Variants in SETD5 observed in about 807,000 individuals in gnomAD.
The protein encoded by SETD5 is SET domain containing 5.
SETD5 carries 44 observed loss-of-function variants against 153.3 expected under a neutral mutation model. The ratio of observed to expected loss-of-function variants is 0.29; its 90% CI spans 0.23 to 0.37. The LOEUF (loss-of-function observed/expected upper bound fraction) is 0.37. SETD5 is among the 10% of genes least tolerant of loss of function. The pLI, the probability that SETD5 is intolerant of heterozygous loss-of-function variation, is 1.00. For missense variants in SETD5, 1,544 were observed against 1,768.0 expected (o/e 0.87, Z 2.27); for synonymous variants, 716 against 645.2 (o/e 1.11, Z -1.66).
Position 9,453,883 on chromosome 3 carries a change from C to G in SETD5, c.2476+15C>G, listed in dbSNP as rs1575509002. 1 of 1,529,588 alleles carries G rather than the reference C, an allele frequency of 6.5e-7. No homozygotes were observed. Among genetic ancestry groups the G allele is most frequent in the East Asian group, 2.3e-5 (1 of 42,682 alleles). The allele number at this position is 1,529,588 out of a possible 1,614,324, so 94.8% of individuals were successfully genotyped here. ...AGACAATGCAGGTACGTATCTAAAA[C>G]CTTTCTGATTATATGACCAATGATT... On this transcript the variant is annotated intron_variant, in intron 17 of 22. Coordinates refer to ENST00000402198, the MANE Select transcript of SETD5 (RefSeq NM_001080517.3).
At chr3:9,474,335 GAAGA>G in intron 20 of SETD5, 110 bp from the exon 21 acceptor site, 1 of 1,257,280 alleles carries the variant, frequency 8.0e-7, no homozygotes, top group East Asian at 2.5e-5. Flanking sequence ...AATTGGTTCT[GAAGA>G]AAGTAATGTT....
At chr3:9,436,850 G>A (rs1443702228) in intron 7 of SETD5, 22 of 1,550,018 alleles carry the variant, frequency 1.4e-5, no homozygotes, top group Non-Finnish European at 1.7e-5. Flanking sequence ...CTTGGGATAG[G>A]CATTTCGAGA....
rs2040486295 is a variant in SETD5, at chr3:9,435,658, A to G, written c.389-70A>G. 19 of 1,406,494 alleles carry G rather than the reference A, an allele frequency of 1.4e-5. No homozygotes were observed. In the South Asian group the frequency reaches 3.1e-4, roughly 23 times the overall value. 87.1% of individuals were successfully genotyped at this position (1,406,494 alleles called of 1,614,324 possible). A position where few individuals can be genotyped will look rare whatever the true frequency, so the allele number is the denominator to read the frequency against. On this transcript the variant is annotated intron_variant, in intron 6 of 22. Coordinates refer to ENST00000402198, the MANE Select transcript of SETD5 (RefSeq NM_001080517.3). ...GCTTACTGCATGTGGGGCACACCTA[A>G]AAGAATAAGCTACTTTTAATGTACT...
chr3:9,406,471 G>C (rs955884972), intron 1 of SETD5, among the ~76,000 whole-genome samples: 1 of 152,052 alleles, frequency 6.6e-6, no homozygotes, highest in East Asian at 1.9e-4. Flanking sequence ...GGCCGGGCGC[G>C]GTGGCTCACG....
chr3:9,433,920 G>A lies in SETD5; in HGVS notation c.147G>A (p.Gln49=). ...VYSTHNYGTT[Q]RHGCRGLPYA... ...CCACTCATAATTATGGGACCACTCA[G>A]AGGCATGGGTGTCGAGGACTGCCTT... Residue 49 remains glutamine, a synonymous_variant, in exon 4 of 23, where the codon CAG becomes CAA. Transcript: ENST00000402198. 6.2e-7 allele frequency: 1 copy of A among 1,613,954 alleles called. No individual in the cohort carries two copies.
At chr3:9,470,233 C>G (rs531333130) in intron 18 of SETD5, among the ~76,000 whole-genome samples, 1 of 152,174 alleles carries the variant, frequency 6.6e-6, no homozygotes, top group Non-Finnish European at 1.5e-5. Flanking sequence ...TATTTCCCAT[C>G]CAGAAAGACT....
At chr3:9,470,279 A>C (rs933150431) in intron 18 of SETD5, among the ~76,000 whole-genome samples, 180 bp from the exon 19 acceptor site, 24 of 152,088 alleles carry the variant, frequency 1.6e-4, no homozygotes, top group Admixed American at 1.3e-3. Context: ...ATTCTTTAGT[A>C]CTCTGGCCCA....
At chr3:9,427,327 G>A (rs1559385206) in intron 2 of SETD5, among the ~76,000 whole-genome samples, 1 of 152,164 alleles carries the variant, frequency 6.6e-6, no homozygotes, top group Non-Finnish European at 1.5e-5. Flanking sequence ...GGTGTGAGTG[G>A]ATCACCGGAG....
intron 7 of SETD5, chr3:9,437,008 G>C (rs2040646091): frequency 4.8e-6 from 4 of 833,742 alleles, no homozygotes; most frequent in Non-Finnish European, 7.3e-6. Flanking sequence ...TTAGTTTGTA[G>C]TTGTTGCCAT....
At chr3:9,467,209 A>AAAAC (rs1230056393) in intron 18 of SETD5, among the ~76,000 whole-genome samples, 1 of 148,704 alleles carries the variant, frequency 6.7e-6, no homozygotes, top group African/African-American at 2.5e-5. Context: ...CAAAAAAAAA[A>AAAAC]AAAAAAAAAA....
chr3:9,427,090 T>C (rs562017438), intron 2 of SETD5, among the ~76,000 whole-genome samples: 1 of 152,256 alleles, frequency 6.6e-6, no homozygotes, highest in South Asian at 2.1e-4. Context: ...CTCACTATGT[T>C]GTCTCAGCTG....
Position 9,470,491 on chromosome 3 carries a change from A to C in SETD5, c.2757A>C (p.Lys919Asn). 6.2e-7 allele frequency: 1 copy of C among 1,612,802 alleles called. No individual in the cohort carries two copies. Among genetic ancestry groups the C allele is most frequent in the Non-Finnish European group, 8.5e-7 (1 of 1,179,056 alleles). The change falls in exon 19 of 23, where the codon AAA becomes AAC. Residue 919 changes from lysine to asparagine, a missense_variant. Around this residue, in one of 9 missense-constraint regions of SETD5, gnomAD observed 782 missense variants for 787.2 expected, o/e 0.99. Transcript: ENST00000402198. ...ACCGAAAAGACCTGGATTTGGCAAA[A>C]GTAGGATACCTTGACTCCAACACTA... ...LCHRKDLDLAKVGYLDSNTNS... is the reference protein window; with the variant it reads ...LCHRKDLDLANVGYLDSNTNS...
At position 9,448,448 on chromosome 3, in the gene SETD5, C is replaced by G. The variant is rs766280862; in HGVS notation, c.2164C>G (p.Pro722Ala). 8.1e-6 allele frequency: 13 copies of G among 1,613,930 alleles called. No individual in the cohort carries two copies. The highest frequency in any genetic ancestry group is 1.1e-5 in the Non-Finnish European group (13 of 1,179,876). ...GAAGCAAGAGTGCCCTGTTGAGTGC[C>G]CTTTACGTATCACAACGGATCCAAC... ...AEKQECPVEC[P>A]LRITTDPTVL... Residue 722 changes from proline (P) to alanine (A), a missense_variant, in exon 16 of 23, where the codon CCT (proline) becomes GCT (alanine). Transcript: ENST00000402198.
intron 2 of SETD5, among the ~76,000 whole-genome samples, chr3:9,428,608 CA>C (rs1488584743): frequency 1.3e-5 from 2 of 152,072 alleles, no homozygotes; most frequent in Non-Finnish European, 2.9e-5. Flanking sequence ...AAAAGAAAAA[CA>C]AAAGTAAACA....
At chr3:9,399,200 G>C (rs938985382) in intron 1 of SETD5, among the ~76,000 whole-genome samples, 4 of 152,196 alleles carry the variant, frequency 2.6e-5, no homozygotes, top group Admixed American at 1.3e-4. Context: ...ATGTTACATA[G>C]CTATACTTGT....
intron 7 of SETD5, among the ~76,000 whole-genome samples, chr3:9,440,109 T>G (rs562791411): frequency 6.6e-6 from 1 of 152,246 alleles, no homozygotes; most frequent in African/African-American, 2.4e-5. Context: ...GAAGATTTTC[T>G]TATGAACTTG....
chr3:9,463,228 G>A (rs1313717587), intron 17 of SETD5, among the ~76,000 whole-genome samples: 5 of 152,068 alleles, frequency 3.3e-5, no homozygotes. Context: ...TTGCCATATT[G>A]GCCAGGCTGG....
intron 7 of SETD5, chr3:9,436,934 C>A: frequency 1.3e-6 from 2 of 1,526,164 alleles, no homozygotes; most frequent in Non-Finnish European, 8.8e-7. Flanking sequence ...TCACTGTGAT[C>A]TTGCATTTTG....
At chr3:9,400,274 A>G (rs965196398) in intron 1 of SETD5, among the ~76,000 whole-genome samples, 4 of 152,098 alleles carry the variant, frequency 2.6e-5, no homozygotes, top group Admixed American at 6.5e-5. Context: ...TTTTATCTAG[A>G]CATTTGTGCT....
Sources: allele counts gnomAD v4.1 joint callset (sites outside exome capture counted in the v4.1 genomes callset), GRCh38; gene constraint gnomAD v4.1.1; regional missense constraint gnomAD v4.1.1; transcripts MANE v1.5; gene names NCBI Gene and HGNC (gene_info 2026-07-23, HGNC 2026-07-21).